The following CFAP61 variants were observed in gnomAD, a reference collection of about 807,000 sequenced individuals.
The protein encoded by CFAP61 is cilia- and flagella-associated protein 61.
CFAP61 carries 107 observed loss-of-function variants against 135.6 expected under a neutral mutation model. The ratio of observed to expected loss-of-function variants is 0.79; its 90% CI spans 0.67 to 0.93. The LOEUF (loss-of-function observed/expected upper bound fraction) is 0.93, where lower values mean the gene tolerates loss of function less well. Among genes scored for constraint, CFAP61 ranks in the 40% least tolerant of loss-of-function variants. CFAP61 has a pLI of 0.00. For synonymous variants in CFAP61, 575 were observed against 578.5 expected (o/e 0.99, Z 0.09); for missense variants, 1,507 against 1,556.2 (o/e 0.97, Z 0.53).
intron 18 of CFAP61, among the ~76,000 whole-genome samples, chr20:20,230,536 T>C (rs574873600): frequency 7.9e-5 from 12 of 152,258 alleles, no homozygotes; most frequent in Middle Eastern, 3.4e-3. Flanking sequence ...ATCAGCCTCC[T>C]TGTAGTCTTT....
intron 7 of CFAP61, among the ~76,000 whole-genome samples, chr20:20,097,667 G>A (rs934476068): frequency 6.6e-6 from 1 of 152,194 alleles, no homozygotes; most frequent in Non-Finnish European, 1.5e-5. Context: ...TCATGGGGAC[G>A]ACTGCAAGAG....
chr20:20,263,827 C>A (rs1393390693), intron 21 of CFAP61, among the ~76,000 whole-genome samples: 2 of 152,042 alleles, frequency 1.3e-5, no homozygotes, highest in Non-Finnish European at 2.9e-5. Context: ...CTTTCTTTTG[C>A]CTAAAAGTGA....
chr20:20,099,585 G>T (rs972449929), intron 8 of CFAP61, among the ~76,000 whole-genome samples: 50 of 152,184 alleles, frequency 3.3e-4, no homozygotes, highest in Non-Finnish European at 5.9e-4. Context: ...ACACGGGGGG[G>T]GGGTTGTGAA....
intron 8 of CFAP61, among the ~76,000 whole-genome samples, chr20:20,126,563 AG>A (rs2050080095): frequency 6.6e-6 from 1 of 151,886 alleles, no homozygotes; most frequent in African/African-American, 2.4e-5. Context: ...TCTAGCTTAT[AG>A]GGTTTCTGCT....
chr20:20,175,500 TTTTGTTTTGTTTTG>T (rs560187797), intron 13 of CFAP61, among the ~76,000 whole-genome samples: 1 of 3,324 alleles, frequency 3.0e-4, no homozygotes, highest in South Asian at 6.6e-3. Context: ...TTTTGTTTTG[TTTTGTTTTGTTTTG>T]TTTTGTTTTG....
intron 8 of CFAP61, among the ~76,000 whole-genome samples, chr20:20,115,165 T>G (rs949876768): frequency 6.6e-6 from 1 of 152,100 alleles, no homozygotes; most frequent in African/African-American, 2.4e-5. Context: ...GAGATTGGCC[T>G]GCAACTTTCA....
intron 6 of CFAP61, among the ~76,000 whole-genome samples, chr20:20,076,377 G>T (rs2046051555): frequency 6.6e-6 from 1 of 152,180 alleles, no homozygotes; most frequent in Non-Finnish European, 1.5e-5. Context: ...CCCCAGCTGG[G>T]CTCCCGCTGA....
intron 24 of CFAP61, 28 bp from the exon 25 acceptor site, chr20:20,298,153 G>A (rs1260155385): frequency 6.6e-7 from 1 of 1,521,386 alleles, no homozygotes; most frequent in East Asian, 2.3e-5. Flanking sequence ...TTCTAATGTT[G>A]TTTTTCTTGT....
Position 20,196,730 on chromosome 20 carries a change from A to C in CFAP61, c.1751A>C (p.Lys584Thr). The change falls in exon 16 of 27, where the codon AAA becomes ACA. Residue 584 changes from lysine (K) to threonine (T), a missense_variant. By Grantham distance (78) the Lys-to-Thr change is moderately conservative. Coordinates refer to ENST00000245957, the MANE Select transcript of CFAP61 (RefSeq NM_015585.4). ...FLKEILRLGF[K>T]SCLYYRVYPK... ...AAGGAGATCCTGCGTTTAGGCTTTA[A>C]ATCCTGTCTCTACTACCGTGTTTAC... is the stretch of plus-strand genomic sequence containing the variant. 6.2e-7 allele frequency: 1 copy of C among 1,614,176 alleles called. No homozygotes were observed. Among genetic ancestry groups the C allele is most frequent in the South Asian group, 1.1e-5 (1 of 91,062 alleles).
chr20:20,341,303 A>T (rs2058436652), intron 25 of CFAP61, among the ~76,000 whole-genome samples: 1 of 152,230 alleles, frequency 6.6e-6, no homozygotes, highest in African/African-American at 2.4e-5. Context: ...GTGAAAAGTT[A>T]GCAAATATGA....
chr20:20,105,886 A>G (rs6046627), intron 8 of CFAP61, among the ~76,000 whole-genome samples: 117,628 of 148,590 alleles, frequency 0.79, 46,873 homozygotes, highest in East Asian at 0.99. Context: ...TGATCCGCCC[A>G]CCTCAGCCTC....
At chr20:20,150,285 C>T (rs140903571) in intron 9 of CFAP61, among the ~76,000 whole-genome samples, 21 of 152,214 alleles carry the variant, frequency 1.4e-4, no homozygotes, top group Admixed American at 3.9e-4. Context: ...ACCCCAGTAG[C>T]CAATCACAAA....
intron 25 of CFAP61, among the ~76,000 whole-genome samples, chr20:20,308,181 T>C (rs2056591157): frequency 6.6e-6 from 1 of 152,228 alleles, no homozygotes; most frequent in Non-Finnish European, 1.5e-5. Flanking sequence ...TGGACAGTGC[T>C]GCTGTAGGCC....
chr20:20,357,247 A>G (rs372632976), intron 26 of CFAP61, among the ~76,000 whole-genome samples: 200 of 19,380 alleles, frequency 0.01, no homozygotes, highest in African/African-American at 0.04. Flanking sequence ...GAGTGGAGGT[A>G]GTCACACTGT....
intron 25 of CFAP61, among the ~76,000 whole-genome samples, chr20:20,307,804 T>C (rs1384567476): frequency 1.3e-5 from 2 of 152,208 alleles, no homozygotes; most frequent in Admixed American, 1.3e-4. Flanking sequence ...ATAAATGTAC[T>C]AAGATGAGAG....
intron 8 of CFAP61, among the ~76,000 whole-genome samples, chr20:20,132,884 A>G (rs775843780): frequency 6.6e-6 from 1 of 151,504 alleles, no homozygotes; most frequent in African/African-American, 2.4e-5. Context: ...ATTTTCTTAT[A>G]TTTTAGATGT....
At chr20:20,213,510 C>G (rs1253401003) in intron 17 of CFAP61, among the ~76,000 whole-genome samples, 1 of 150,946 alleles carries the variant, frequency 6.6e-6, no homozygotes, top group Non-Finnish European at 1.5e-5. Flanking sequence ...GTTGGCCTCC[C>G]AGGAATTCCC....
At chr20:20,118,320 GTC>G (rs2049335703) in intron 8 of CFAP61, among the ~76,000 whole-genome samples, 1 of 91,504 alleles carries the variant, frequency 1.1e-5, no homozygotes, top group Admixed American at 1.1e-4. Context: ...CTTTCTTTCT[GTC>G]TCTCTCTCTG....
rs369642550 is a variant in CFAP61 at position 20,085,500 on chromosome 20, A to G, written c.567-5344A>G. On this transcript the variant is annotated intron_variant, in intron 6 of 26. Coordinates refer to ENST00000245957, the MANE Select transcript of CFAP61 (RefSeq NM_015585.4). ...GCCTCTTCAGAACTCCAAGATTTGG[A>G]TGTTTTTCTATTTTTCCCAGAAGAA... is the stretch of plus-strand genomic sequence containing the variant. 4.4e-6 allele frequency: 6 copies of G among 1,366,412 alleles called. No homozygotes were observed. In the African/African-American group the frequency reaches 8.9e-5, roughly 20 times the overall value. 84.6% of individuals were successfully genotyped at this position (1,366,412 alleles called of 1,614,324 possible). A position where few individuals can be genotyped will look rare whatever the true frequency, so the allele number is the denominator to read the frequency against.
Sources: gnomAD v4.1 joint callset for allele counts (sites outside exome capture counted in the v4.1 genomes callset) on GRCh38, gnomAD v4.1.1 for gene constraint, MANE v1.5 for transcripts, NCBI Gene and HGNC (gene_info 2026-07-23, HGNC 2026-07-21) for gene names.